Variants in OSBPL1A observed in about 807,000 individuals in gnomAD.
OSBPL1A encodes oxysterol-binding protein-related protein 1.
In OSBPL1A, 80 loss-of-function variants were observed where a neutral mutation model predicts 137.1. That is an observed-to-expected ratio of 0.58 (90% confidence interval 0.49 to 0.70). The LOEUF is 0.70. Ranked by LOEUF, OSBPL1A falls within the 30% of genes least tolerant of loss-of-function variation. The probability of loss-of-function intolerance (pLI) is 0.00; values close to 1 mark genes in which losing one functional copy is unlikely to be tolerated. For missense variants in OSBPL1A, 970 were observed against 1,129.4 expected, an observed-to-expected ratio of 0.86 and a Z score of 2.02; for synonymous variants, 365 against 389.7, an observed-to-expected ratio of 0.94 and a Z score of 0.75.
intron 17 of OSBPL1A, among the ~76,000 whole-genome samples, chr18:24,206,563 G>A (rs530853239): frequency 1.6e-4 from 25 of 152,208 alleles, no homozygotes; most frequent in South Asian, 6.2e-4. Context: ...ATTTTACTGC[G>A]CCTTAAACAT....
intron 11 of OSBPL1A, 127 bp from the exon 12 acceptor site, chr18:24,314,474 C>T (rs7240306): frequency 0.53 from 294,107 of 556,130 alleles, 82,706 homozygotes; most frequent in African/African-American, 0.62. Flanking sequence ...TAAGTATTGA[C>T]AGATAAAAAT....
At chr18:24,218,603 C>A (rs1419916679) in intron 17 of OSBPL1A, among the ~76,000 whole-genome samples, 1 of 152,150 alleles carries the variant, frequency 6.6e-6, no homozygotes, top group African/African-American at 2.4e-5. Flanking sequence ...ACTACTGCGC[C>A]TGGCTAATTT....
intron 4 of OSBPL1A, among the ~76,000 whole-genome samples, chr18:24,360,685 T>C (rs2091608340): frequency 6.6e-6 from 1 of 152,236 alleles, no homozygotes; most frequent in South Asian, 2.1e-4. Flanking sequence ...CCAATGTCTG[T>C]TGGAGTTCAC....
At chr18:24,348,242 A>T (rs1455521594) in intron 4 of OSBPL1A, among the ~76,000 whole-genome samples, 2 of 152,248 alleles carry the variant, frequency 1.3e-5, no homozygotes, top group African/African-American at 4.8e-5. Flanking sequence ...AAAATCAAAG[A>T]TATACCAAAT....
chr18:24,308,260 T>C (rs898936686), intron 13 of OSBPL1A, among the ~76,000 whole-genome samples: 2 of 150,186 alleles, frequency 1.3e-5, no homozygotes, highest in Non-Finnish European at 3.0e-5. Flanking sequence ...GGACTACAGA[T>C]ATGGGCCACC....
chr18:24,212,099 C>A (rs1328918865), intron 17 of OSBPL1A, among the ~76,000 whole-genome samples: 2 of 150,198 alleles, frequency 1.3e-5, no homozygotes, highest in African/African-American at 4.9e-5. Context: ...GAGATAGTCT[C>A]GCTCTCTTGC....
At chr18:24,293,969 G>A (rs1309155547) in intron 14 of OSBPL1A, among the ~76,000 whole-genome samples, 1 of 152,180 alleles carries the variant, frequency 6.6e-6, no homozygotes, top group Non-Finnish European at 1.5e-5. Flanking sequence ...AACAGAGAAA[G>A]TGGTAAGTTT....
At chr18:24,313,022 G>A (rs2146114736) in intron 12 of OSBPL1A, among the ~76,000 whole-genome samples, 1 of 152,088 alleles carries the variant, frequency 6.6e-6, no homozygotes, top group Non-Finnish European at 1.5e-5. Flanking sequence ...TACTCGGGAG[G>A]CTGAGGCAGG....
At chr18:24,172,082 A>G (rs2086300836) in intron 22 of OSBPL1A, among the ~76,000 whole-genome samples, 1 of 151,976 alleles carries the variant, frequency 6.6e-6, no homozygotes, top group Non-Finnish European at 1.5e-5. Context: ...CTGGGATTAC[A>G]GGCACCCGCC....
chr18:24,281,950 C>T (rs184304176), intron 14 of OSBPL1A, among the ~76,000 whole-genome samples: 26 of 152,196 alleles, frequency 1.7e-4, no homozygotes, highest in African/African-American at 6.3e-4. Flanking sequence ...TAGATTCTCA[C>T]GAGAGCACGA....
At chr18:24,372,290 AAAG>A (rs1905714492) in intron 2 of OSBPL1A, among the ~76,000 whole-genome samples, 1 of 150,936 alleles carries the variant, frequency 6.6e-6, no homozygotes. Context: ...AAAAAAAAAG[AAAG>A]AAAAAGAAAA....
intron 1 of OSBPL1A, among the ~76,000 whole-genome samples, chr18:24,382,643 C>T (rs4800569): frequency 0.3 from 45,405 of 151,404 alleles, 7,877 homozygotes; most frequent in East Asian, 0.73. Flanking sequence ...TTTGGGAGGC[C>T]GAGGTGGGTG....
intron 17 of OSBPL1A, among the ~76,000 whole-genome samples, chr18:24,213,306 G>C (rs986055815): frequency 2.0e-5 from 3 of 152,134 alleles, no homozygotes; most frequent in Admixed American, 2.0e-4. Context: ...AGTGGCTCAC[G>C]CCTGTAATCC....
intron 17 of OSBPL1A, among the ~76,000 whole-genome samples, chr18:24,208,363 T>C (rs1234091081): frequency 6.6e-6 from 1 of 152,092 alleles, no homozygotes; most frequent in Non-Finnish European, 1.5e-5. Flanking sequence ...TGAAAACAAA[T>C]GATGAGCAGA....
intron 1 of OSBPL1A, among the ~76,000 whole-genome samples, chr18:24,391,399 T>A (rs186331719): frequency 6.6e-6 from 1 of 152,138 alleles, no homozygotes; most frequent in East Asian, 1.9e-4. Context: ...TGTGAATGTA[T>A]GCAATGCCAC....
intron 4 of OSBPL1A, among the ~76,000 whole-genome samples, chr18:24,364,310 C>T (rs997004468): frequency 6.6e-6 from 1 of 152,122 alleles, no homozygotes; most frequent in African/African-American, 2.4e-5. Flanking sequence ...GAGGAAGAAG[C>T]GAGAAATGCC....
intron 17 of OSBPL1A, among the ~76,000 whole-genome samples, chr18:24,201,914 G>T (rs1309415420): frequency 6.6e-6 from 1 of 152,126 alleles, no homozygotes; most frequent in African/African-American, 2.4e-5. Context: ...AACACTGTTT[G>T]CTCATAGAGG....
chr18:24,353,312 A>G (rs1183033900), intron 4 of OSBPL1A, among the ~76,000 whole-genome samples: 2 of 152,230 alleles, frequency 1.3e-5, no homozygotes. Flanking sequence ...AAAACACATG[A>G]AAAAATGCTC....
At chr18:24,237,491 G>T (rs1313902354) in intron 16 of OSBPL1A, among the ~76,000 whole-genome samples, 1 of 152,092 alleles carries the variant, frequency 6.6e-6, no homozygotes, top group African/African-American at 2.4e-5. Context: ...TTTCAGTAGA[G>T]ACGGGGTTTC....
Sources: gnomAD v4.1 joint callset for allele counts (sites outside exome capture counted in the v4.1 genomes callset) on GRCh38, gnomAD v4.1.1 for gene constraint, MANE v1.5 for transcripts, NCBI Gene and HGNC (gene_info 2026-07-23, HGNC 2026-07-21) for gene names.